The following PSMA1 variants were observed in gnomAD, a reference collection of about 807,000 sequenced individuals.
PSMA1 encodes proteasome 20S subunit alpha 1.
In PSMA1, 3 loss-of-function variants were observed where a neutral mutation model predicts 38.4. The observed-to-expected ratio is 0.08, with a 90% CI of 0.04 to 0.20. The LOEUF (loss-of-function observed/expected upper bound fraction) is 0.20, where lower values mean the gene tolerates loss of function less well. Ranked by LOEUF, PSMA1 falls within the 10% of genes least tolerant of loss-of-function variation. PSMA1 has a pLI of 1.00. For missense variants in PSMA1, 227 were observed against 325.3 expected (o/e 0.70, Z 2.32); for synonymous variants, 101 against 107.1 (o/e 0.94, Z 0.35).
intron 2 of PSMA1, among the ~76,000 whole-genome samples, chr11:14,581,590 T>G (rs557574113): frequency 4.5e-4 from 68 of 152,274 alleles, no homozygotes; most frequent in African/African-American, 1.6e-3. Flanking sequence ...ACCTTCTGAG[T>G]TGAAATAATA....
chr11:14,520,707 A>C, upstream of PSMA1: 2 of 268,160 alleles, frequency 7.5e-6, no homozygotes, highest in South Asian at 5.1e-5. Context: ...AGCTCTCATT[A>C]ACCGTCCACA....
intron 2 of PSMA1, among the ~76,000 whole-genome samples, chr11:14,579,276 C>G (rs1455212401): frequency 1.3e-5 from 2 of 152,122 alleles, no homozygotes; most frequent in African/African-American, 4.8e-5. Context: ...GAAGAGAATG[C>G]TTCTTTGCCT....
chr11:14,638,420 G>T, intron 1 of PSMA1, among the ~76,000 whole-genome samples: 1 of 148,976 alleles, frequency 6.7e-6, no homozygotes, highest in Non-Finnish European at 1.5e-5. Flanking sequence ...ACTTTTTGAT[G>T]ATGCTAATGA....
chr11:14,525,493 G>C (rs1015316047), intron 2 of PSMA1, among the ~76,000 whole-genome samples: 1 of 152,126 alleles, frequency 6.6e-6, no homozygotes, highest in Non-Finnish European at 1.5e-5. Flanking sequence ...CCTGTTATCA[G>C]TTGCCTGTTA....
intron 2 of PSMA1, among the ~76,000 whole-genome samples, chr11:14,604,398 ATATG>A (rs1171715776): frequency 2.0e-5 from 3 of 152,144 alleles, no homozygotes; most frequent in Non-Finnish European, 4.4e-5. Flanking sequence ...TCTGTAGAAT[ATATG>A]TGACATCTCT....
chr11:14,559,609 G>T (rs564432180), intron 2 of PSMA1, among the ~76,000 whole-genome samples: 86 of 152,236 alleles, frequency 5.6e-4, no homozygotes, highest in African/African-American at 1.9e-3. Flanking sequence ...GGCTGCTTTT[G>T]GTATTTAGCA....
chr11:14,633,347 C>T lies in PSMA1; in HGVS notation c.-166+10108G>A, dbSNP rs1249212312. Among the ~76,000 whole-genome samples the T allele has an allele frequency of 3.9e-5, 6 of 152,266 alleles. No individual in the cohort carries two copies. In the South Asian group the frequency reaches 8.3e-4, roughly 21 times the overall value. ...GATGTCCTTTCTGTTTGTTAGCTTT[C>T]CTTCTAACAGACAGGACCCTCAGCT... is the stretch of plus-strand genomic sequence containing the variant. On this transcript the variant is annotated intron_variant, in intron 1 of 10. Coordinates refer to the PSMA1 transcript ENST00000418988.
At chr11:14,638,293 C>T (rs2133726051) in intron 1 of PSMA1, among the ~76,000 whole-genome samples, 1 of 152,124 alleles carries the variant, frequency 6.6e-6, no homozygotes, top group East Asian at 1.9e-4. Context: ...ACATTATTTA[C>T]TCCTATTTGC....
intron 2 of PSMA1, among the ~76,000 whole-genome samples, chr11:14,606,670 A>G (rs1852647164): frequency 6.6e-6 from 1 of 152,232 alleles, no homozygotes; most frequent in East Asian, 1.9e-4. Flanking sequence ...CAACATTAAA[A>G]AGCAGAGAGG....
At chr11:14,584,479 A>G (rs1408711068) in intron 2 of PSMA1, among the ~76,000 whole-genome samples, 2 of 146,916 alleles carry the variant, frequency 1.4e-5, no homozygotes, top group African/African-American at 2.6e-5. Flanking sequence ...ATGTGATAAT[A>G]TGGTTTGGAG....
chr11:14,509,297 C>T (rs1334682164), intron 8 of PSMA1, among the ~76,000 whole-genome samples: 1 of 152,092 alleles, frequency 6.6e-6, no homozygotes, highest in African/African-American at 2.4e-5. Context: ...GGAGACATTC[C>T]CCCCTCACAC....
At chr11:14,598,309 C>G (rs1417821857) in intron 2 of PSMA1, among the ~76,000 whole-genome samples, 1 of 152,096 alleles carries the variant, frequency 6.6e-6, no homozygotes, top group Admixed American at 6.6e-5. Flanking sequence ...TGCTTGTTAA[C>G]TTTCTGTTTT....
chr11:14,526,718 G>A (rs960649401), intron 2 of PSMA1, among the ~76,000 whole-genome samples: 7 of 151,974 alleles, frequency 4.6e-5, no homozygotes, highest in Admixed American at 6.6e-5. Flanking sequence ...TACCACACCT[G>A]ACCCCCATGA....
At chr11:14,626,712 T>C (rs1852916384) in intron 1 of PSMA1, among the ~76,000 whole-genome samples, 1 of 152,188 alleles carries the variant, frequency 6.6e-6, no homozygotes. Flanking sequence ...ACAGAGCACG[T>C]GAAAAGGCTT....
intron 1 of PSMA1, among the ~76,000 whole-genome samples, chr11:14,632,018 G>A (rs1362426168): frequency 2.1e-5 from 3 of 140,240 alleles, no homozygotes; most frequent in African/African-American, 8.4e-5. Flanking sequence ...CCATTGGCTT[G>A]GTAGATCTTC....
At chr11:14,575,449 C>A (rs1031624675) in intron 2 of PSMA1, among the ~76,000 whole-genome samples, 3 of 151,920 alleles carry the variant, frequency 2.0e-5, no homozygotes, top group African/African-American at 7.3e-5. Flanking sequence ...GTGATGTTCC[C>A]CACCCTGTGT....
chr11:14,570,804 C>T (rs1852130273), intron 2 of PSMA1, among the ~76,000 whole-genome samples: 1 of 152,188 alleles, frequency 6.6e-6, no homozygotes, highest in Admixed American at 6.5e-5. Context: ...AGGAGAACTT[C>T]CCCAACCTAG....
At chr11:14,537,901 G>A (rs1290131315) in intron 2 of PSMA1, among the ~76,000 whole-genome samples, 1 of 151,974 alleles carries the variant, frequency 6.6e-6, no homozygotes, top group Non-Finnish European at 1.5e-5. Context: ...TAGAGATGGG[G>A]TTTTGCCATG....
chr11:14,616,556 C>CT (rs777608242), intron 1 of PSMA1, among the ~76,000 whole-genome samples: 2 of 152,070 alleles, frequency 1.3e-5, no homozygotes, highest in Non-Finnish European at 2.9e-5. Context: ...ATTAATAACA[C>CT]TTTTTCCTGC....
Sources: gnomAD v4.1 joint callset for allele counts (sites outside exome capture counted in the v4.1 genomes callset) on GRCh38, gnomAD v4.1.1 for gene constraint, MANE v1.5 for transcripts, NCBI Gene and HGNC (gene_info 2026-07-23, HGNC 2026-07-21) for gene names.